PPARGC1A: variants seen among roughly 807,000 people sequenced by gnomAD.
PPARGC1A encodes peroxisome proliferator-activated receptor gamma coactivator 1-alpha.
A neutral mutation model predicts 88.7 loss-of-function variants in PPARGC1A; 25 were observed. The observed-to-expected ratio is 0.28, with a 90% confidence interval of 0.21 to 0.39. The LOEUF is 0.39. Among genes scored for constraint, PPARGC1A ranks in the 10% least tolerant of loss-of-function variants. The pLI is 1.00. For synonymous variants in PPARGC1A, 363 were observed against 355.6 expected (o/e 1.02, Z -0.24); for missense variants, 880 against 968.7 (o/e 0.91, Z 1.22).
chr4:23,827,239 A>T (rs780496250), intron 5 of PPARGC1A, among the ~76,000 whole-genome samples: 16 of 152,162 alleles, frequency 1.1e-4, no homozygotes, highest in Non-Finnish European at 1.9e-4. Flanking sequence ...AAAATATTAC[A>T]GGAAGGCTTC....
chr4:24,299,126 G>T, the PPARGC1A span, among the ~76,000 whole-genome samples: 1 of 152,088 alleles, frequency 6.6e-6, no homozygotes, highest in South Asian at 2.1e-4. Flanking sequence ...AAAAGTCACA[G>T]CCAGATACAC....
intron 2 of PPARGC1A, among the ~76,000 whole-genome samples, chr4:23,858,043 A>G (rs1205869513): frequency 6.6e-6 from 1 of 151,916 alleles, no homozygotes; most frequent in Non-Finnish European, 1.5e-5. Context: ...AAATACTACT[A>G]TGGCTTTCCG....
In PPARGC1A at chr4:23,793,002, G is replaced by T. The variant is rs1172255113; in HGVS notation, c.*2820C>A. 1 of 152,378 alleles carries T rather than the reference G, an allele frequency of 6.6e-6. No individual in the cohort carries two copies. The highest frequency in any genetic ancestry group is 6.6e-5 in the Admixed American group (1 of 15,238). The allele number at this position is 152,378 out of a possible 1,614,324, so 9.4% of individuals were successfully genotyped here. ...TGTAGTGCTGTCTTTTGATAAGTAAGAAAAGAAACCAAGTATTCCACTCAT... is the reference window on the plus strand; with the variant it reads ...TGTAGTGCTGTCTTTTGATAAGTAATAAAAGAAACCAAGTATTCCACTCAT... On this transcript the variant is annotated 3_prime_UTR_variant, in exon 13 of 13. Transcript: ENST00000264867.
At chr4:23,969,283 T>C in the PPARGC1A span, among the ~76,000 whole-genome samples, 1 of 152,186 alleles carries the variant, frequency 6.6e-6, no homozygotes, top group African/African-American at 2.4e-5. Context: ...GTTCTAAAAA[T>C]GTCATCTATA....
the PPARGC1A span, among the ~76,000 whole-genome samples, chr4:24,079,328 A>G: frequency 6.6e-6 from 1 of 151,996 alleles, no homozygotes; most frequent in East Asian, 1.9e-4. Flanking sequence ...TTTATCAGTC[A>G]TGTCCCCATT....
the PPARGC1A span, among the ~76,000 whole-genome samples, chr4:24,066,328 T>C: frequency 6.6e-6 from 1 of 152,098 alleles, no homozygotes. Context: ...TATTGTTCCT[T>C]TGAGAAAAAC....
At chr4:24,376,835 A>T in the PPARGC1A span, among the ~76,000 whole-genome samples, 1 of 152,200 alleles carries the variant, frequency 6.6e-6, no homozygotes. Context: ...GGTCCTTCTC[A>T]TGGTGAGGTT....
At chr4:23,855,012 A>G (rs1310723539) in intron 2 of PPARGC1A, among the ~76,000 whole-genome samples, 1 of 152,170 alleles carries the variant, frequency 6.6e-6, no homozygotes, top group Non-Finnish European at 1.5e-5. Flanking sequence ...CCAGTGGGAC[A>G]TAACTGAATC....
chr4:23,831,782 A>G (rs778311963), intron 2 of PPARGC1A, 31 bp from the exon 3 acceptor site: 17 of 1,564,082 alleles, frequency 1.1e-5, no homozygotes, highest in Middle Eastern at 1.7e-4. Flanking sequence ...AGAAGATGTG[A>G]GTTGACCCTG....
chr4:24,106,025 G>C, the PPARGC1A span, among the ~76,000 whole-genome samples: 1 of 152,196 alleles, frequency 6.6e-6, no homozygotes, highest in African/African-American at 2.4e-5. Flanking sequence ...ATGCTACGCA[G>C]TTGAAAAATA....
the PPARGC1A span, among the ~76,000 whole-genome samples, chr4:24,471,911 G>T: frequency 2.0e-5 from 3 of 152,212 alleles, no homozygotes; most frequent in Non-Finnish European, 4.4e-5. The surrounding 1 kb of genome is among the most constrained non-coding windows in gnomAD (Gnocchi z 5.4). Flanking sequence ...CGGGCCCCGA[G>T]GGGAGTGGAG....
the PPARGC1A span, among the ~76,000 whole-genome samples, chr4:24,387,858 AAGAG>A: frequency 7.6e-6 from 1 of 131,938 alleles, no homozygotes; most frequent in African/African-American, 2.7e-5. Flanking sequence ...GAAAGAGAGA[AAGAG>A]AGAAAGGAAG....
the PPARGC1A span, among the ~76,000 whole-genome samples, chr4:24,139,110 T>C: frequency 6.6e-6 from 1 of 152,114 alleles, no homozygotes; most frequent in African/African-American, 2.4e-5. Context: ...AGCAAGTTAC[T>C]AAGTTGCTTT....
At chr4:23,797,624 T>C (rs1717847206) in intron 12 of PPARGC1A, among the ~76,000 whole-genome samples, 1 of 152,188 alleles carries the variant, frequency 6.6e-6, no homozygotes, top group African/African-American at 2.4e-5. Flanking sequence ...AATTGTGAAA[T>C]AGTAGTTCTC....
chr4:24,246,448 AC>A, the PPARGC1A span, among the ~76,000 whole-genome samples: 1 of 151,816 alleles, frequency 6.6e-6, no homozygotes, highest in Non-Finnish European at 1.5e-5. Context: ...ACATGGTGAA[AC>A]CCCCTCTCTA....
the PPARGC1A span, among the ~76,000 whole-genome samples, chr4:24,062,426 C>A: frequency 6.6e-6 from 1 of 152,188 alleles, no homozygotes; most frequent in Non-Finnish European, 1.5e-5. Context: ...CAAGGCCAGT[C>A]CAGGAAGAGT....
At chr4:24,326,246 C>A in the PPARGC1A span, among the ~76,000 whole-genome samples, 6 of 152,140 alleles carry the variant, frequency 3.9e-5, no homozygotes, top group Admixed American at 2.6e-4. Context: ...TGTTATCACT[C>A]GCCTGCTACA....
At chr4:24,030,905 C>A in the PPARGC1A span, among the ~76,000 whole-genome samples, 1 of 152,186 alleles carries the variant, frequency 6.6e-6, no homozygotes, top group East Asian at 1.9e-4. Flanking sequence ...TTGTGCCAGG[C>A]ACTAAGTAAG....
chr4:24,286,351 G>A, the PPARGC1A span, among the ~76,000 whole-genome samples: 1 of 152,088 alleles, frequency 6.6e-6, no homozygotes. Context: ...CACTTCCCAT[G>A]ATAGGGACTG....
Sources: gnomAD v4.1 joint callset for allele counts (sites outside exome capture counted in the v4.1 genomes callset) on GRCh38, gnomAD v4.1.1 for gene constraint, Gnocchi (gnomAD v3.1) non-coding constraint, MANE v1.5 for transcripts, NCBI Gene and HGNC (gene_info 2026-07-23, HGNC 2026-07-21) for gene names.